HMGCLL1: variants seen among roughly 807,000 people sequenced by gnomAD.
HMGCLL1 encodes the protein 3-hydroxymethyl-3-methylglutaryl-CoA lyase, cytoplasmic.
A neutral mutation model predicts 39.1 loss-of-function variants in HMGCLL1; 36 were observed. The observed-to-expected ratio is 0.92, with a 90% CI of 0.71 to 1.22. The LOEUF (loss-of-function observed/expected upper bound fraction) is 1.22. HMGCLL1 is among the 50% of genes most tolerant of loss of function. The pLI is 0.00. For missense variants in HMGCLL1, 451 were observed against 416.5 expected (o/e 1.08, Z -0.72); for synonymous variants, 149 against 144.0 (o/e 1.03, Z -0.25).
intron 7 of HMGCLL1, among the ~76,000 whole-genome samples, chr6:55,445,477 AT>A (rs1349838891): frequency 2.6e-5 from 4 of 152,058 alleles, no homozygotes; most frequent in Admixed American, 1.3e-4. Flanking sequence ...GTGGAAAGAC[AT>A]TTTTACTTAA....
chr6:55,587,271 T>G, the HMGCLL1 span, among the ~76,000 whole-genome samples: 1 of 152,134 alleles, frequency 6.6e-6, no homozygotes, highest in Non-Finnish European at 1.5e-5. Flanking sequence ...TTTGTTTGAG[T>G]TCTTTGTAGA....
At chr6:55,633,004 T>C in the HMGCLL1 span, among the ~76,000 whole-genome samples, 2 of 152,086 alleles carry the variant, frequency 1.3e-5, no homozygotes, top group Non-Finnish European at 2.9e-5. Flanking sequence ...ACCCTCCAGA[T>C]TGGCAAGAAT....
At chr6:55,553,433 G>A (rs145164066) in intron 1 of HMGCLL1, among the ~76,000 whole-genome samples, 2,998 of 151,672 alleles carry the variant, frequency 0.02, 51 homozygotes, top group South Asian at 0.094. Context: ...AGGAGACTCC[G>A]TCTCCAAAGA....
chr6:55,436,387 C>T (rs540123146), intron 8 of HMGCLL1, among the ~76,000 whole-genome samples: 2 of 152,094 alleles, frequency 1.3e-5, no homozygotes, highest in East Asian at 3.9e-4. Context: ...TAAATAGGAT[C>T]AACAAAAGCT....
chr6:55,609,602 G>C, the HMGCLL1 span, among the ~76,000 whole-genome samples: 1 of 151,992 alleles, frequency 6.6e-6, no homozygotes, highest in Non-Finnish European at 1.5e-5. Flanking sequence ...CCTCCTGCAA[G>C]CTCTGAGGAA....
chr6:55,471,396 T>C (rs1765039648), intron 7 of HMGCLL1, among the ~76,000 whole-genome samples: 1 of 151,762 alleles, frequency 6.6e-6, no homozygotes, highest in South Asian at 2.1e-4. Flanking sequence ...TGTCTTCTGC[T>C]GCATACAAGA....
At chr6:55,539,604 G>T (rs1275259965) in intron 3 of HMGCLL1, among the ~76,000 whole-genome samples, 1 of 151,764 alleles carries the variant, frequency 6.6e-6, no homozygotes, top group African/African-American at 2.4e-5. Context: ...CATAGGAATA[G>T]AAAACCAAAT....
chr6:55,635,803 T>C, the HMGCLL1 span, among the ~76,000 whole-genome samples: 1 of 152,176 alleles, frequency 6.6e-6, no homozygotes, highest in African/African-American at 2.4e-5. Flanking sequence ...GCCCTATTGA[T>C]GCTGGCCATT....
the HMGCLL1 span, among the ~76,000 whole-genome samples, chr6:55,630,655 C>T: frequency 0.35 from 52,856 of 151,726 alleles, 9,571 homozygotes; most frequent in African/African-American, 0.44. Context: ...GTGGAGGTAA[C>T]TGAATCATGG....
At chr6:55,617,004 CAA>C in the HMGCLL1 span, among the ~76,000 whole-genome samples, 1 of 151,948 alleles carries the variant, frequency 6.6e-6, no homozygotes, top group Non-Finnish European at 1.5e-5. Context: ...AATAATAAGA[CAA>C]AGAGAAAAAA....
intron 7 of HMGCLL1, 111 bp downstream of exon 7, chr6:55,495,308 G>T: frequency 2.3e-6 from 2 of 856,854 alleles, no homozygotes; most frequent in Non-Finnish European, 3.5e-6. Flanking sequence ...GTTAAAATTA[G>T]ATTCATAACA....
At chr6:55,658,899 C>T in the HMGCLL1 span, among the ~76,000 whole-genome samples, 1 of 151,824 alleles carries the variant, frequency 6.6e-6, no homozygotes, top group African/African-American at 2.4e-5. Flanking sequence ...AGCACAGCGA[C>T]CCAGACTGGG....
intron 1 of HMGCLL1, among the ~76,000 whole-genome samples, chr6:55,543,461 C>A (rs867916621): frequency 3.3e-5 from 3 of 91,090 alleles, no homozygotes; most frequent in African/African-American, 9.6e-5. Flanking sequence ...TGATATATAT[C>A]ATATATATCA....
At chr6:55,667,583 C>T in the HMGCLL1 span, among the ~76,000 whole-genome samples, 1 of 151,752 alleles carries the variant, frequency 6.6e-6, no homozygotes, top group Non-Finnish European at 1.5e-5. Flanking sequence ...GACATAAATA[C>T]TTCAGAGGGA....
At chr6:55,528,117 C>G (rs925437708) in intron 3 of HMGCLL1, among the ~76,000 whole-genome samples, 1 of 151,996 alleles carries the variant, frequency 6.6e-6, no homozygotes, top group Non-Finnish European at 1.5e-5. Flanking sequence ...CCAACTCTAT[C>G]GATAATCCAG....
upstream of HMGCLL1, chr6:55,579,256 G>A (rs938868913): frequency 1.7e-6 from 1 of 592,222 alleles, no homozygotes; most frequent in South Asian, 2.0e-5. Flanking sequence ...CTGGGGCAGC[G>A]GGTGCACGGG....
At chr6:55,562,054 T>C (rs143209911) in intron 1 of HMGCLL1, among the ~76,000 whole-genome samples, 30 of 152,228 alleles carry the variant, frequency 2.0e-4, no homozygotes, top group African/African-American at 6.5e-4. Context: ...CTCAAAGGAA[T>C]AGTTAACAAA....
At position 55,527,142 on chromosome 6, in the gene HMGCLL1, G is replaced by C. The variant is rs538363842; in HGVS notation, c.298-10539C>G. ...TTATCTTTTCTATATCTTCATCTTA[G>C]TCACTACTAAAGATTGTGTGCATCA... On this transcript the variant is annotated intron_variant, in intron 3 of 8. Coordinates refer to ENST00000274901, the MANE Select transcript of HMGCLL1 (RefSeq NM_001042406.2). Among the ~76,000 whole-genome samples, 5 of 151,938 alleles carry C rather than the reference G, an allele frequency of 3.3e-5. No individual in the cohort carries two copies. The South Asian group carries it at 1.0e-3, about 32-fold the overall frequency.
the HMGCLL1 span, among the ~76,000 whole-genome samples, chr6:55,623,670 CATATT>C: frequency 8.1e-5 from 12 of 148,700 alleles, no homozygotes; most frequent in African/African-American, 2.2e-4. Flanking sequence ...TATACACAAA[CATATT>C]ATATATAATA....
Sources: gnomAD v4.1 joint callset for allele counts (sites outside exome capture counted in the v4.1 genomes callset) on GRCh38, gnomAD v4.1.1 for gene constraint, MANE v1.5 for transcripts, NCBI Gene and HGNC (gene_info 2026-07-23, HGNC 2026-07-21) for gene names.